The following CADM2 variants were observed in gnomAD, a reference collection of about 807,000 sequenced individuals.
The protein encoded by CADM2 is immunoglobulin superfamily member 4D.
Under a neutral mutation model 49.8 loss-of-function variants are expected in CADM2, and 12 were observed. That is an observed-to-expected ratio of 0.24 (90% confidence interval 0.15 to 0.39). CADM2 has a LOEUF of 0.39. CADM2 is among the 10% of genes least tolerant of loss of function. CADM2 has a pLI of 1.00. For missense variants in CADM2, 378 were observed against 492.3 expected (o/e 0.77, Z 2.20); for synonymous variants, 214 against 175.4 (o/e 1.22, Z -1.74).
chr3:85,520,495 G>A (rs1482800156), intron 1 of CADM2, among the ~76,000 whole-genome samples: 1 of 151,924 alleles, frequency 6.6e-6, no homozygotes, highest in Non-Finnish European at 1.5e-5. Flanking sequence ...CTTACTCTGT[G>A]CCATGTACTG....
chr3:85,199,196 A>T (rs9848082), intron 1 of CADM2, among the ~76,000 whole-genome samples: 62,484 of 151,788 alleles, frequency 0.41, 14,730 homozygotes, highest in Admixed American at 0.56. Context: ...ATATCATGTG[A>T]TCTACATGAG....
chr3:85,615,372 C>A (rs1029328342), intron 1 of CADM2, among the ~76,000 whole-genome samples: 2 of 151,976 alleles, frequency 1.3e-5, no homozygotes, highest in African/African-American at 4.8e-5. Flanking sequence ...TGTAATCTGT[C>A]TAGCCAGTTG....
In CADM2 at chr3:85,053,539, T is replaced by G. The variant is rs201852616; in HGVS notation, c.61+93871T>G. Among the ~76,000 whole-genome samples, 4 of 151,824 alleles carry G rather than the reference T, an allele frequency of 2.6e-5. No homozygotes were observed. The East Asian group carries it at 7.7e-4, about 29-fold the overall frequency. On this transcript the variant is annotated intron_variant, in intron 1 of 9. Transcript: ENST00000383699. Reference sequence around the variant, plus strand: ...GGCTCTGTGGTGAAAAATGGATGAGTGACTCCCATAAAAGAGAATAATTTT... The same window carrying G: ...GGCTCTGTGGTGAAAAATGGATGAGGGACTCCCATAAAAGAGAATAATTTT...
intron 1 of CADM2, among the ~76,000 whole-genome samples, chr3:85,671,012 T>G (rs928131155): frequency 1.3e-5 from 2 of 152,124 alleles, no homozygotes; most frequent in Middle Eastern, 3.2e-3. Flanking sequence ...TCAGTGATAT[T>G]TTTTTCCAAC....
chr3:85,938,024 A>G (rs1721388267), intron 7 of CADM2, among the ~76,000 whole-genome samples: 1 of 151,972 alleles, frequency 6.6e-6, no homozygotes, highest in South Asian at 2.1e-4. Context: ...TTCCTTGCAG[A>G]CTGTCAGGAC....
In CADM2 at chr3:85,553,268, A is replaced by G. The variant is rs975955724; in HGVS notation, c.62-173254A>G. ...TGCCTGCTTACCAAGCATCTACCAT[A>G]TATCAGGTACTCTAGATCTAGTTTA... On this transcript the variant is annotated intron_variant, in intron 1 of 9. Transcript: ENST00000383699. Among the ~76,000 whole-genome samples the G allele has an allele frequency of 2.7e-5, 4 of 148,088 alleles. 1 individual carries two copies. Among genetic ancestry groups the G allele is most frequent in the East Asian group, 4.2e-4 (2 of 4,814 alleles).
intron 1 of CADM2, among the ~76,000 whole-genome samples, chr3:85,383,671 A>G (rs2107364455): frequency 6.7e-6 from 1 of 150,316 alleles, no homozygotes; most frequent in South Asian, 2.1e-4. Context: ...TCGTTTGAAC[A>G]TTTTTATATC....
At chr3:85,245,901 A>G (rs1328896098) in intron 1 of CADM2, among the ~76,000 whole-genome samples, 3 of 152,158 alleles carry the variant, frequency 2.0e-5, no homozygotes, top group African/African-American at 7.2e-5. Flanking sequence ...GGCTCATAGT[A>G]GTTAATCAAA....
At chr3:85,987,835 T>G (rs1276921689) in intron 8 of CADM2, among the ~76,000 whole-genome samples, 1 of 151,796 alleles carries the variant, frequency 6.6e-6, no homozygotes, top group Non-Finnish European at 1.5e-5. Flanking sequence ...TAAGTAAATG[T>G]ATTTCTAGAA....
At chr3:85,877,399 T>G (rs1311197016) in intron 3 of CADM2, among the ~76,000 whole-genome samples, 1 of 152,126 alleles carries the variant, frequency 6.6e-6, no homozygotes, top group African/African-American at 2.4e-5. Context: ...TTTAAAAGAT[T>G]GAATTCATTT....
chr3:85,037,235 C>T (rs1277225691), intron 1 of CADM2, among the ~76,000 whole-genome samples: 1 of 152,098 alleles, frequency 6.6e-6, no homozygotes, highest in Non-Finnish European at 1.5e-5. Flanking sequence ...TGGCTGTAGC[C>T]AAGAGTAGTT....
At chr3:85,697,547 T>C (rs1438864560) in intron 1 of CADM2, among the ~76,000 whole-genome samples, 1 of 152,116 alleles carries the variant, frequency 6.6e-6, no homozygotes, top group Non-Finnish European at 1.5e-5. Context: ...AAAAAATATG[T>C]TTTTGTTGTA....
At chr3:85,776,274 G>A (rs2070356210) in intron 2 of CADM2, among the ~76,000 whole-genome samples, 1 of 150,680 alleles carries the variant, frequency 6.6e-6, no homozygotes, top group Non-Finnish European at 1.5e-5. Context: ...TAGCCAAATA[G>A]TTTAAGAATT....
intron 1 of CADM2, among the ~76,000 whole-genome samples, chr3:85,398,413 C>T (rs2034907320): frequency 6.6e-6 from 1 of 152,076 alleles, no homozygotes; most frequent in South Asian, 2.1e-4. Flanking sequence ...CATTGATGGA[C>T]ATTTGGGTTG....
At chr3:86,045,892 G>A (rs1350859702) in intron 8 of CADM2, among the ~76,000 whole-genome samples, 3 of 152,118 alleles carry the variant, frequency 2.0e-5, no homozygotes, top group Admixed American at 6.6e-5. Flanking sequence ...CTCAGGGACA[G>A]CAGACTCTTT....
chr3:85,365,199 C>CCTT (rs2032671701), intron 1 of CADM2, among the ~76,000 whole-genome samples: 1 of 104,716 alleles, frequency 9.5e-6, no homozygotes, highest in African/African-American at 3.6e-5. Context: ...TTTTTTTTTA[C>CCTT]TTTTTTTTTT....
intron 8 of CADM2, among the ~76,000 whole-genome samples, chr3:86,055,481 G>GTTTTTTTTTTTTTTTTTTTTTTT (rs1440467932): frequency 6.6e-5 from 8 of 121,042 alleles, no homozygotes; most frequent in Non-Finnish European, 6.5e-5. Flanking sequence ...TTTTTTTTTG[G>GTTTTTTTTTTTTTTTTTTTTTTT]TTTTAGAGGG....
chr3:85,392,597 A>T (rs1174280569), intron 1 of CADM2, among the ~76,000 whole-genome samples: 2 of 152,064 alleles, frequency 1.3e-5, no homozygotes, highest in African/African-American at 4.8e-5. Context: ...TCTATTTATT[A>T]TTAGATTTTT....
At chr3:85,625,249 T>A (rs1394487566) in intron 1 of CADM2, among the ~76,000 whole-genome samples, 1 of 152,110 alleles carries the variant, frequency 6.6e-6, no homozygotes, top group Non-Finnish European at 1.5e-5. Flanking sequence ...TTGCAAGAAT[T>A]TAGTATTAAC....
Sources: gnomAD v4.1 joint callset for allele counts (sites outside exome capture counted in the v4.1 genomes callset) on GRCh38, gnomAD v4.1.1 for gene constraint, MANE v1.5 for transcripts, NCBI Gene and HGNC (gene_info 2026-07-23, HGNC 2026-07-21) for gene names.